STARD13: variants seen among roughly 807,000 people sequenced by gnomAD.
The protein encoded by STARD13 is stAR-related lipid transfer protein 13.
Under a neutral mutation model 106.4 loss-of-function variants are expected in STARD13, and 62 were observed. The observed-to-expected ratio is 0.58, with a 90% CI of 0.48 to 0.72. The LOEUF (loss-of-function observed/expected upper bound fraction) is 0.72, where lower values mean the gene tolerates loss of function less well. Ranked by LOEUF, STARD13 falls within the 30% of genes least tolerant of loss-of-function variation. The probability of loss-of-function intolerance (pLI) is 0.00; values close to 1 mark genes in which losing one functional copy is unlikely to be tolerated. For synonymous variants in STARD13, 565 were observed against 553.0 expected (o/e 1.02, Z -0.31); for missense variants, 1,387 against 1,424.0 (o/e 0.97, Z 0.42).
intron 3 of STARD13, among the ~76,000 whole-genome samples, chr13:33,159,531 A>G (rs563177745): frequency 6.6e-6 from 1 of 152,214 alleles, no homozygotes; most frequent in Non-Finnish European, 1.5e-5. Context: ...TTGTCCTTGC[A>G]ATCCTGATTT....
intron 1 of STARD13, among the ~76,000 whole-genome samples, chr13:33,307,710 G>T (rs1566130547): frequency 6.6e-6 from 1 of 151,970 alleles, no homozygotes; most frequent in Non-Finnish European, 1.5e-5. Context: ...ATGCATGTGG[G>T]GCTTAATACC....
At chr13:33,524,726 T>A in the STARD13 span, among the ~76,000 whole-genome samples, 2 of 152,084 alleles carry the variant, frequency 1.3e-5, no homozygotes, top group Non-Finnish European at 2.9e-5. Flanking sequence ...TATTTTTTAA[T>A]TGACAAATTA....
At chr13:33,124,530 A>G (rs894783728) in intron 7 of STARD13, among the ~76,000 whole-genome samples, 1 of 152,190 alleles carries the variant, frequency 6.6e-6, no homozygotes, top group African/African-American at 2.4e-5. Flanking sequence ...ACAGGGGTGG[A>G]AGAGGTTTTG....
the STARD13 span, among the ~76,000 whole-genome samples, chr13:33,504,713 C>T: frequency 1.3e-5 from 2 of 152,022 alleles, no homozygotes; most frequent in African/African-American, 4.8e-5. Context: ...ATGTAACAAA[C>T]CTGGCACGTT....
At chr13:33,167,941 A>G (rs1163121869) in intron 1 of STARD13, among the ~76,000 whole-genome samples, 2 of 151,904 alleles carry the variant, frequency 1.3e-5, no homozygotes, top group Non-Finnish European at 2.9e-5. Flanking sequence ...CCAGGGAACC[A>G]GGGCACTAGG....
At chr13:33,470,083 G>A in the STARD13 span, among the ~76,000 whole-genome samples, 2 of 152,152 alleles carry the variant, frequency 1.3e-5, no homozygotes, top group South Asian at 2.1e-4. Context: ...ACTGTGTGAT[G>A]TTCCCCTCTC....
At chr13:33,269,999 G>A (rs1411059788) in intron 1 of STARD13, among the ~76,000 whole-genome samples, 1 of 152,192 alleles carries the variant, frequency 6.6e-6, no homozygotes, top group Non-Finnish European at 1.5e-5. Context: ...ACTTTGGGAG[G>A]CCGAGGTGGG....
intron 1 of STARD13, among the ~76,000 whole-genome samples, chr13:33,306,128 T>C (rs990474888): frequency 1.3e-5 from 2 of 152,060 alleles, no homozygotes; most frequent in African/African-American, 2.4e-5. Flanking sequence ...CAAAAACAGA[T>C]ACATAGACCA....
chr13:33,641,899 C>A, the STARD13 span, among the ~76,000 whole-genome samples: 1 of 152,046 alleles, frequency 6.6e-6, no homozygotes, highest in East Asian at 1.9e-4. Flanking sequence ...TTTTGTCATG[C>A]TAATGTAAAA....
intron 1 of STARD13, among the ~76,000 whole-genome samples, chr13:33,342,073 G>T (rs904571564): frequency 1.3e-5 from 2 of 152,124 alleles, no homozygotes; most frequent in Non-Finnish European, 2.9e-5. Context: ...GGGATTACAG[G>T]CATAAGCCAC....
At chr13:33,171,567 G>T (rs1218977504) in intron 1 of STARD13, among the ~76,000 whole-genome samples, 2 of 152,102 alleles carry the variant, frequency 1.3e-5, no homozygotes, top group Non-Finnish European at 2.9e-5. Context: ...TAGGGCTGAC[G>T]CCTCTTGCCT....
At chr13:33,480,891 G>A in the STARD13 span, among the ~76,000 whole-genome samples, 3 of 152,132 alleles carry the variant, frequency 2.0e-5, no homozygotes, top group South Asian at 2.1e-4. Context: ...TGTAAAATCC[G>A]GGAAGCTATT....
chr13:33,298,943 C>A (rs1892606383), intron 1 of STARD13, among the ~76,000 whole-genome samples: 1 of 152,178 alleles, frequency 6.6e-6, no homozygotes, highest in African/African-American at 2.4e-5. Context: ...TTCTGAAGAG[C>A]TGATATTTAC....
the STARD13 span, among the ~76,000 whole-genome samples, chr13:33,666,841 C>T: frequency 6.6e-6 from 1 of 152,204 alleles, no homozygotes; most frequent in African/African-American, 2.4e-5. Flanking sequence ...ATCCACCTTC[C>T]TCAGCTTCCC....
At chr13:33,354,611 G>T (rs1298184244), upstream of STARD13, among the ~76,000 whole-genome samples, 1 of 152,150 alleles carries the variant, frequency 6.6e-6, no homozygotes, top group Admixed American at 6.5e-5. Context: ...GTAGGAGTAG[G>T]ATCATTTACT....
the STARD13 span, among the ~76,000 whole-genome samples, chr13:33,477,247 TA>T: frequency 5.9e-5 from 9 of 152,222 alleles, no homozygotes; most frequent in Non-Finnish European, 1.2e-4. Context: ...TTTGGGCTCT[TA>T]AAATGCTTAA....
At chr13:33,537,151 A>C in the STARD13 span, among the ~76,000 whole-genome samples, 1 of 152,242 alleles carries the variant, frequency 6.6e-6, no homozygotes, top group Non-Finnish European at 1.5e-5. Flanking sequence ...GGCTTTCAAT[A>C]AAATGAACAA....
At chr13:33,364,815 G>A in the STARD13 span, among the ~76,000 whole-genome samples, 2 of 152,202 alleles carry the variant, frequency 1.3e-5, no homozygotes, top group African/African-American at 4.8e-5. Flanking sequence ...CGTGAACCCG[G>A]GAGGCGGAGC....
chr13:33,280,616 A>G (rs1334674539), intron 1 of STARD13: 1 of 152,198 alleles, frequency 6.6e-6, no homozygotes, highest in African/African-American at 2.4e-5. Flanking sequence ...TTATAGTTAT[A>G]CTGACATTTA....
Sources: allele counts gnomAD v4.1 joint callset (sites outside exome capture counted in the v4.1 genomes callset), GRCh38; gene constraint gnomAD v4.1.1; transcripts MANE v1.5; gene names NCBI Gene and HGNC (gene_info 2026-07-23, HGNC 2026-07-21).